The following ANKS1A variants were observed in gnomAD, a reference collection of about 807,000 sequenced individuals.
ANKS1A encodes ankyrin repeat and SAM domain-containing protein 1A.
A neutral mutation model predicts 120.3 loss-of-function variants in ANKS1A; 55 were observed. The observed-to-expected ratio is 0.46, with a 90% confidence interval of 0.37 to 0.57. The LOEUF is 0.57. Among genes scored for constraint, ANKS1A ranks in the 20% least tolerant of loss-of-function variants. The pLI is 0.00. For synonymous variants in ANKS1A, 590 were observed against 604.7 expected, an observed-to-expected ratio of 0.98 and a Z score of 0.36; for missense variants, 1,123 against 1,480.3, an observed-to-expected ratio of 0.76 and a Z score of 3.96.
At chr6:35,075,777 A>G (rs568965372) in intron 13 of ANKS1A, among the ~76,000 whole-genome samples, 11 of 152,042 alleles carry the variant, frequency 7.2e-5, no homozygotes, top group African/African-American at 2.7e-4. Context: ...TTGTGCACAC[A>G]CATATATTGT....
chr6:35,071,502 C>T (rs1561955356), intron 13 of ANKS1A, among the ~76,000 whole-genome samples: 1 of 152,122 alleles, frequency 6.6e-6, no homozygotes, highest in Non-Finnish European at 1.5e-5. Context: ...CTGAATTCCA[C>T]AGGGAGGAGG....
At chr6:35,047,878 T>C (rs954788783) in intron 11 of ANKS1A, among the ~76,000 whole-genome samples, 2 of 152,254 alleles carry the variant, frequency 1.3e-5, no homozygotes, top group South Asian at 4.1e-4. Context: ...CTCCCGGTCA[T>C]GTTCATGTCA....
Position 34,889,681 on chromosome 6 carries a change from G to T in ANKS1A, c.197+82G>T. The stretch of plus-strand genomic sequence containing the variant: ...TCTTGGGTCCCCAGAGAGATCGGGG[G>T]TCCTGAGACTCGGGCGGGGTGGGCT... On this transcript the variant is annotated intron_variant, in intron 1 of 23. Coordinates refer to ENST00000360359, the MANE Select transcript of ANKS1A (RefSeq NM_015245.3). This position sits in a 1 kb window ranked among gnomAD's most constrained non-coding sequence, Gnocchi z 5.5. The T allele has an allele frequency of 8.3e-7, 1 of 1,201,072 alleles. No homozygotes were observed. Among genetic ancestry groups the T allele is most frequent in the East Asian group, 3.8e-5 (1 of 26,210 alleles). The allele number at this position is 1,201,072 out of a possible 1,614,324, so 74.4% of individuals were successfully genotyped here.
In ANKS1A at chr6:35,060,332, C is replaced by A; in HGVS notation, c.2184+79C>A. On this transcript the variant is annotated intron_variant, in intron 13 of 23. Transcript: ENST00000360359. This position sits in a 1 kb window ranked among gnomAD's most constrained non-coding sequence, Gnocchi z 4.5. Reference sequence around the variant, plus strand: ...CTCCCTGGCCTCCCCTCTGGCCCCACAGGAGTCTGCAACAGTACGTAGACC... The same window carrying A: ...CTCCCTGGCCTCCCCTCTGGCCCCAAAGGAGTCTGCAACAGTACGTAGACC... 1 of 1,269,234 alleles carries A rather than the reference C, an allele frequency of 7.9e-7. No homozygotes were observed. The highest frequency in any genetic ancestry group is 1.1e-6 in the Non-Finnish European group (1 of 892,620). The allele number at this position is 1,269,234 out of a possible 1,614,324, so 78.6% of individuals were successfully genotyped here.
At chr6:34,963,047 A>G (rs1770724534) in intron 1 of ANKS1A, among the ~76,000 whole-genome samples, 1 of 151,698 alleles carries the variant, frequency 6.6e-6, no homozygotes. Flanking sequence ...TTTTTAGTAG[A>G]GGCGGGGTTT....
rs545790495 is a variant in ANKS1A at position 35,074,785 on chromosome 6, C to G, written c.2185-3773C>G. ...GCAGAGTAGTGGGCTTCCAGCCTGG[C>G]TTTGGGGCTCTCTTCACCTGGGCTC... On this transcript the variant is annotated intron_variant, in intron 13 of 23. Transcript: ENST00000360359. Among the ~76,000 whole-genome samples, 5 of 152,328 alleles carry G rather than the reference C, an allele frequency of 3.3e-5. No homozygotes were observed. The South Asian group carries it at 1.0e-3, about 32-fold the overall frequency.
At position 35,086,236 on chromosome 6, in the gene ANKS1A, CCTGTGT is replaced by C. The variant is rs1561970424; in HGVS notation, c.3303+310_3303+315del. The C allele has an allele frequency of 1.5e-6, 2 of 1,368,398 alleles. No individual in the cohort carries two copies. Among genetic ancestry groups the C allele is most frequent in the Admixed American group, 4.3e-5 (2 of 46,172 alleles). 84.8% of individuals were successfully genotyped at this position (1,368,398 alleles called of 1,614,324 possible). On this transcript the variant is annotated intron_variant, in intron 22 of 23. Transcript: ENST00000360359. This position sits in a 1 kb window ranked among gnomAD's most constrained non-coding sequence, Gnocchi z 5.1. ...GGCAGCCCCCAGTAACTGCGCCATC[CCTGTGT>C]CTGTGTCTGCTTTGCTCTGCACCCC...
intron 1 of ANKS1A, among the ~76,000 whole-genome samples, chr6:34,948,682 G>A (rs1769922196): frequency 6.6e-6 from 1 of 152,062 alleles, no homozygotes; most frequent in African/African-American, 2.4e-5. Context: ...CTAACCTCAA[G>A]CGTACCAAAA....
At chr6:35,035,084 C>G (rs898450048) in intron 11 of ANKS1A, among the ~76,000 whole-genome samples, 2 of 152,218 alleles carry the variant, frequency 1.3e-5, no homozygotes, top group Non-Finnish European at 2.9e-5. Flanking sequence ...TCCCTGGAGC[C>G]CTCTTCTCAG....
intron 10 of ANKS1A, among the ~76,000 whole-genome samples, chr6:35,013,247 C>A (rs906649312): frequency 2.0e-5 from 3 of 152,134 alleles, no homozygotes; most frequent in East Asian, 1.9e-4. Flanking sequence ...ATGATTTATG[C>A]CTGTCTTAAA....
intron 3 of ANKS1A, 60 bp downstream of exon 3, chr6:34,970,226 A>G (rs1771111859): frequency 6.5e-7 from 1 of 1,532,816 alleles, no homozygotes; most frequent in Non-Finnish European, 8.8e-7. Context: ...TGGCAACCCC[A>G]TCACCATCTT....
At chr6:34,973,852 C>A (rs1771308638) in intron 3 of ANKS1A, among the ~76,000 whole-genome samples, 1 of 103,238 alleles carries the variant, frequency 9.7e-6, no homozygotes, top group Admixed American at 9.3e-5. Context: ...CCTTCCCCTT[C>A]CCCTTGCCCT....
chr6:34,990,240 G>A (rs2098412183), intron 9 of ANKS1A, among the ~76,000 whole-genome samples: 1 of 152,132 alleles, frequency 6.6e-6, no homozygotes, highest in African/African-American at 2.4e-5. Context: ...ATAAATACAA[G>A]GAAGCCCTTT....
In ANKS1A at chr6:35,086,369, G is replaced by A; in HGVS notation, c.3303+433G>A. 1 of 1,295,794 alleles carries A rather than the reference G, an allele frequency of 7.7e-7. No homozygotes were observed. Among genetic ancestry groups the A allele is most frequent in the Non-Finnish European group, 1.0e-6 (1 of 993,184 alleles). The allele number at this position is 1,295,794 out of a possible 1,614,324, so 80.3% of individuals were successfully genotyped here. A position where few individuals can be genotyped will look rare whatever the true frequency, so the allele number is the denominator to read the frequency against. On this transcript the variant is annotated intron_variant, in intron 22 of 23. Coordinates refer to ENST00000360359, the MANE Select transcript of ANKS1A (RefSeq NM_015245.3). This position sits in a 1 kb window ranked among gnomAD's most constrained non-coding sequence, Gnocchi z 5.1. ...GCCATCTGTTAGTCCTGGAGTCAAG[G>A]TCTTTACGCCTCCTGCTGTCTTGTG...
chr6:35,003,878 G>A (rs929926831), intron 10 of ANKS1A, among the ~76,000 whole-genome samples: 1 of 152,150 alleles, frequency 6.6e-6, no homozygotes, highest in Non-Finnish European at 1.5e-5. Flanking sequence ...CTCAGAAAAG[G>A]AAAGAGAAGC....
chr6:34,916,187 T>G (rs1355557956), intron 1 of ANKS1A, among the ~76,000 whole-genome samples: 2 of 152,022 alleles, frequency 1.3e-5, no homozygotes, highest in Non-Finnish European at 2.9e-5. Flanking sequence ...GAGATGAGGC[T>G]TCACCATATT....
At chr6:34,944,062 A>G (rs1210510652) in intron 1 of ANKS1A, among the ~76,000 whole-genome samples, 2 of 152,200 alleles carry the variant, frequency 1.3e-5, no homozygotes, top group Non-Finnish European at 2.9e-5. Context: ...TCATGAGGTC[A>G]GGAGATCGAG....
At chr6:34,989,165 C>A in intron 8 of ANKS1A, 59 bp from the exon 9 acceptor site, 2 of 1,567,132 alleles carry the variant, frequency 1.3e-6, no homozygotes, top group Non-Finnish European at 8.7e-7. Context: ...GAGGGCAAAC[C>A]AAAAAATTAG....
rs982821935 is a variant in ANKS1A, at chr6:35,089,553, G to A, written c.*944G>A. ...TTGTCTAATCAGCCTGTGTGATTGG[G>A]GCTCATTTTGATTCTCTGAATTATC... is the stretch of plus-strand genomic sequence containing the variant. On this transcript the variant is annotated 3_prime_UTR_variant, in exon 24 of 24. Coordinates refer to ENST00000360359, the MANE Select transcript of ANKS1A (RefSeq NM_015245.3). 2.8e-5 allele frequency: 28 copies of A among 986,502 alleles called. No homozygotes were observed. Among genetic ancestry groups the A allele is most frequent in the Admixed American group, 6.1e-5 (1 of 16,380 alleles). 61.1% of individuals were successfully genotyped at this position (986,502 alleles called of 1,614,324 possible).
Sources: allele counts gnomAD v4.1 joint callset (sites outside exome capture counted in the v4.1 genomes callset), GRCh38; gene constraint gnomAD v4.1.1; non-coding constraint Gnocchi (gnomAD v3.1); transcripts MANE v1.5; gene names NCBI Gene and HGNC (gene_info 2026-07-23, HGNC 2026-07-21).